NRG3: variants seen among roughly 807,000 people sequenced by gnomAD.
NRG3 encodes the protein neuregulin 3.
In NRG3, 31 loss-of-function variants were observed where a neutral mutation model predicts 66.9. That is an observed-to-expected ratio of 0.46 (90% CI 0.35 to 0.63). NRG3 has a LOEUF of 0.63. Among genes scored for constraint, NRG3 ranks in the 20% least tolerant of loss-of-function variants. The probability of loss-of-function intolerance (pLI) is 0.00; values close to 1 mark genes in which losing one functional copy is unlikely to be tolerated. For synonymous variants in NRG3, 393 were observed against 359.4 expected, an observed-to-expected ratio of 1.09 and a Z score of -1.06; for missense variants, 910 against 878.9, an observed-to-expected ratio of 1.04 and a Z score of -0.45.
rs564216838 is a variant in NRG3, at chr10:82,136,334, C to T, written c.824-222405C>T. 1.2e-4 allele frequency among the ~76,000 whole-genome samples: 19 copies of T among 152,274 alleles called. No homozygotes were observed. The South Asian group carries it at 3.5e-3, about 28-fold the overall frequency. On this transcript the variant is annotated intron_variant, in intron 1 of 8. Coordinates refer to ENST00000372141, the MANE Select transcript of NRG3 (RefSeq NM_001010848.4). ...AAGGCCCACAGCAACCATTGCCTGG[C>T]TCCCACCTATGTTCATTCAAGGCCC...
intron 1 of NRG3, among the ~76,000 whole-genome samples, chr10:82,319,908 G>T (rs2081478801): frequency 6.6e-6 from 1 of 152,188 alleles, no homozygotes; most frequent in Admixed American, 6.5e-5. Flanking sequence ...TCAAGTCATG[G>T]TCCACTTTCC....
intron 3 of NRG3, among the ~76,000 whole-genome samples, chr10:82,772,024 A>T (rs982898805): frequency 2.6e-5 from 4 of 152,068 alleles, no homozygotes; most frequent in African/African-American, 9.7e-5. Context: ...CCATCCTTCC[A>T]CATGGGATTA....
intron 2 of NRG3, among the ~76,000 whole-genome samples, chr10:82,667,520 G>A (rs2052897791): frequency 6.6e-6 from 1 of 152,192 alleles, no homozygotes; most frequent in South Asian, 2.1e-4. Flanking sequence ...TTTACACAGA[G>A]ATACTGCCTG....
At chr10:81,985,409 G>T (rs184684671) in intron 1 of NRG3, among the ~76,000 whole-genome samples, 2 of 152,194 alleles carry the variant, frequency 1.3e-5, no homozygotes, top group African/African-American at 2.4e-5. Context: ...CTGGATGGTG[G>T]TGTTCTTATT....
chr10:81,947,691 CAT>C (rs1848972881), intron 1 of NRG3, among the ~76,000 whole-genome samples: 1 of 151,470 alleles, frequency 6.6e-6, no homozygotes, highest in Non-Finnish European at 1.5e-5. Context: ...GATATGGTAA[CAT>C]AATAGATTTC....
At chr10:82,739,661 G>C (rs1211345192) in intron 3 of NRG3, among the ~76,000 whole-genome samples, 1 of 152,164 alleles carries the variant, frequency 6.6e-6, no homozygotes, top group Admixed American at 6.5e-5. Flanking sequence ...TTATTTGAAA[G>C]AAAAAGGTTT....
At chr10:82,601,859 A>T (rs1222283788) in intron 2 of NRG3, among the ~76,000 whole-genome samples, 2 of 147,254 alleles carry the variant, frequency 1.4e-5, no homozygotes, top group Non-Finnish European at 3.0e-5. Flanking sequence ...AAAAAAAAAA[A>T]TTATTTATAT....
chr10:82,420,250 CTG>C (rs1204806193), intron 2 of NRG3, among the ~76,000 whole-genome samples: 1 of 152,106 alleles, frequency 6.6e-6, no homozygotes, highest in Non-Finnish European at 1.5e-5. Context: ...CACACTAAGT[CTG>C]TGGCACAATT....
chr10:82,653,447 C>T (rs967909776), intron 2 of NRG3, among the ~76,000 whole-genome samples: 1 of 152,016 alleles, frequency 6.6e-6, no homozygotes, highest in Non-Finnish European at 1.5e-5. Flanking sequence ...CCCTGGAGAG[C>T]CTGTGGAAAT....
At chr10:82,518,692 G>C (rs1845918778) in intron 2 of NRG3, among the ~76,000 whole-genome samples, 1 of 152,054 alleles carries the variant, frequency 6.6e-6, no homozygotes, top group African/African-American at 2.4e-5. Context: ...TTATCTTCAA[G>C]GGCAGCTGGT....
intron 1 of NRG3, among the ~76,000 whole-genome samples, chr10:81,969,171 G>T (rs1445157540): frequency 6.6e-6 from 1 of 152,158 alleles, no homozygotes; most frequent in Non-Finnish European, 1.5e-5. Flanking sequence ...CCTGAACAAA[G>T]TTTTCCTGTC....
chr10:82,500,010 A>G (rs1365312291), intron 2 of NRG3, among the ~76,000 whole-genome samples: 2 of 152,340 alleles, frequency 1.3e-5, no homozygotes, highest in Middle Eastern at 3.4e-3. Context: ...TGAAAACTAT[A>G]TATGAATAAG....
intron 2 of NRG3, among the ~76,000 whole-genome samples, chr10:82,468,804 G>A (rs182893834): frequency 3.9e-5 from 6 of 152,060 alleles, no homozygotes; most frequent in Non-Finnish European, 8.8e-5. Flanking sequence ...CTGTTATTTT[G>A]GTGGTCATGG....
intron 2 of NRG3, among the ~76,000 whole-genome samples, chr10:82,725,670 T>C (rs562096322): frequency 1.3e-5 from 2 of 152,316 alleles, no homozygotes; most frequent in African/African-American, 4.8e-5. Context: ...TGTTCACATC[T>C]GAATTTCAGA....
In NRG3 at chr10:82,927,383, G is replaced by C. The variant is rs1266921302; in HGVS notation, c.1055-24086G>C. Among the ~76,000 whole-genome samples, 4 of 151,876 alleles carry C rather than the reference G, an allele frequency of 2.6e-5. No individual in the cohort carries two copies. In the East Asian group the frequency reaches 7.7e-4, roughly 29 times the overall value. Reference sequence around the variant, plus strand: ...TTTTTTTATTTTACTTTAAGTTCTGGGATACATGTGTAGAACATGCAGGTT... The same window carrying C: ...TTTTTTTATTTTACTTTAAGTTCTGCGATACATGTGTAGAACATGCAGGTT... On this transcript the variant is annotated intron_variant, in intron 4 of 8. Coordinates refer to ENST00000372141, the MANE Select transcript of NRG3 (RefSeq NM_001010848.4).
intron 2 of NRG3, among the ~76,000 whole-genome samples, chr10:82,362,553 T>G (rs1300677129): frequency 1.6e-5 from 2 of 126,210 alleles, no homozygotes; most frequent in African/African-American, 3.7e-5. Flanking sequence ...TCTGGGTTTT[T>G]TTTTTTTTTT....
At chr10:82,620,392 C>T (rs533228928) in intron 2 of NRG3, among the ~76,000 whole-genome samples, 7 of 152,276 alleles carry the variant, frequency 4.6e-5, no homozygotes, top group South Asian at 4.1e-4. Flanking sequence ...AAGGAAATGG[C>T]TCTCGGCAGA....
intron 1 of NRG3, among the ~76,000 whole-genome samples, chr10:81,976,637 T>G (rs911855137): frequency 5.3e-5 from 8 of 152,182 alleles, no homozygotes; most frequent in Non-Finnish European, 8.8e-5. Flanking sequence ...ATAATTTTAG[T>G]GCAGAATAAA....
At chr10:82,202,915 C>CA (rs2074920031) in intron 1 of NRG3, among the ~76,000 whole-genome samples, 2 of 152,026 alleles carry the variant, frequency 1.3e-5, no homozygotes, top group African/African-American at 2.4e-5. Context: ...AGTCCCTTAG[C>CA]AAAAAAGCAC....
Sources: allele counts gnomAD v4.1 joint callset (sites outside exome capture counted in the v4.1 genomes callset), GRCh38; gene constraint gnomAD v4.1.1; transcripts MANE v1.5; gene names NCBI Gene and HGNC (gene_info 2026-07-23, HGNC 2026-07-21).